Variants in LPP observed in about 807,000 individuals in gnomAD.
LPP encodes lipoma-preferred partner.
In LPP, 38 loss-of-function variants were observed where a neutral mutation model predicts 60.4. That is an observed-to-expected ratio of 0.63 (90% CI 0.49 to 0.83). The LOEUF is 0.83. LPP is among the 40% of genes least tolerant of loss of function. The pLI, the probability that LPP is intolerant of heterozygous loss-of-function variation, is 0.00. For synonymous variants in LPP, 328 were observed against 290.8 expected, an observed-to-expected ratio of 1.13 and a Z score of -1.30; for missense variants, 902 against 783.6, an observed-to-expected ratio of 1.15 and a Z score of -1.80.
At chr3:188,689,421 T>G (rs1006562388) in intron 7 of LPP, among the ~76,000 whole-genome samples, 1 of 152,228 alleles carries the variant, frequency 6.6e-6, no homozygotes, top group Non-Finnish European at 1.5e-5. Flanking sequence ...GACTTGCTTG[T>G]GCTTTGTGTA....
At chr3:188,704,836 C>G (rs1458805108) in intron 7 of LPP, among the ~76,000 whole-genome samples, 3 of 151,982 alleles carry the variant, frequency 2.0e-5, no homozygotes, top group Non-Finnish European at 4.4e-5. Context: ...CACGTTCTTA[C>G]CCAAGGCCTG....
At position 188,510,828 on chromosome 3, in the gene LPP, C is replaced by T. The variant is rs1174441625; in HGVS notation, c.307-13837C>T. On this transcript the variant is annotated intron_variant, in intron 5 of 11. Coordinates refer to ENST00000617246, the MANE Select transcript of LPP (RefSeq NM_001375462.1). ...ACTTGTTCTCCATTTAAGGCCTTCT[C>T]AATTCTGTCGCCATATAGCTCTCTC... Among the ~76,000 whole-genome samples the T allele has an allele frequency of 2.6e-5, 4 of 152,222 alleles. No homozygotes were observed. In the East Asian group the frequency reaches 7.7e-4, roughly 29 times the overall value.
Position 188,443,866 on chromosome 3 carries a change from T to C in LPP, c.193+37553T>C, listed in dbSNP as rs146308457. Among the ~76,000 whole-genome samples the C allele has an allele frequency of 8.3e-3, 1,258 of 152,338 alleles. 14 individuals carry two copies. The highest frequency in any genetic ancestry group is 0.012 in the Non-Finnish European group (827 of 68,032). On this transcript the variant is annotated intron_variant, in intron 4 of 11. Transcript: ENST00000617246. ...CATTAACAAAGTATTTTTCATCCCT[T>C]AGCTTTCCTCCAGGGAACAAAAGGA... is the stretch of plus-strand genomic sequence containing the variant.
intron 4 of LPP, among the ~76,000 whole-genome samples, chr3:188,411,868 A>AT (rs1784962930): frequency 6.6e-6 from 1 of 152,138 alleles, no homozygotes; most frequent in African/African-American, 2.4e-5. Context: ...GGTTTTTGAA[A>AT]TTATCTTACT....
At chr3:188,663,320 A>AT (rs1855021923) in intron 7 of LPP, among the ~76,000 whole-genome samples, 1 of 152,168 alleles carries the variant, frequency 6.6e-6, no homozygotes, top group Non-Finnish European at 1.5e-5. Flanking sequence ...CAAGAAAGGG[A>AT]TGGGGGAGTG....
chr3:188,420,231 C>T (rs1422640595), intron 4 of LPP, among the ~76,000 whole-genome samples: 1 of 151,996 alleles, frequency 6.6e-6, no homozygotes, highest in African/African-American at 2.4e-5. Flanking sequence ...TTTGTCCTTG[C>T]TAGAATTATG....
At chr3:188,292,893 G>C (rs1273385938) in intron 2 of LPP, among the ~76,000 whole-genome samples, 2 of 151,996 alleles carry the variant, frequency 1.3e-5, no homozygotes, top group Non-Finnish European at 2.9e-5. Flanking sequence ...TAATTTTATT[G>C]GTGTGATTTA....
chr3:188,751,775 G>C (rs967898063), intron 8 of LPP, among the ~76,000 whole-genome samples: 1 of 152,022 alleles, frequency 6.6e-6, no homozygotes, highest in African/African-American at 2.4e-5. Flanking sequence ...AGAGTTGTTG[G>C]GGTGACTACA....
At chr3:188,329,872 A>T (rs1455201306) in intron 2 of LPP, among the ~76,000 whole-genome samples, 2 of 152,188 alleles carry the variant, frequency 1.3e-5, no homozygotes, top group East Asian at 3.9e-4. Flanking sequence ...TGAAGGACCC[A>T]TGCCATTCTT....
chr3:188,307,918 A>G (rs1251981484), intron 2 of LPP, among the ~76,000 whole-genome samples: 1 of 152,152 alleles, frequency 6.6e-6, no homozygotes, highest in Non-Finnish European at 1.5e-5. Context: ...CACTGGATCC[A>G]TTCTGTGCTC....
intron 2 of LPP, among the ~76,000 whole-genome samples, chr3:188,326,018 C>T (rs1257243640): frequency 6.6e-6 from 1 of 152,024 alleles, no homozygotes; most frequent in African/African-American, 2.4e-5. Flanking sequence ...TATCTTTAAT[C>T]TGAGAAGGAA....
At chr3:188,509,873 G>GTTTTTTTTTTT (rs35389820) in intron 5 of LPP, among the ~76,000 whole-genome samples, 7 of 111,036 alleles carry the variant, frequency 6.3e-5, no homozygotes, top group Non-Finnish European at 1.2e-4. Context: ...TTTTTTTGTT[G>GTTTTTTTTTTT]TTTTTTTTTT....
intron 2 of LPP, among the ~76,000 whole-genome samples, chr3:188,234,504 T>A (rs2149389964): frequency 6.6e-6 from 1 of 152,300 alleles, no homozygotes; most frequent in South Asian, 2.1e-4. Context: ...GATTTAAATG[T>A]CTCTTTTTGT....
chr3:188,712,772 A>C (rs1712105187), intron 8 of LPP: 1 of 152,118 alleles, frequency 6.6e-6, no homozygotes, highest in African/African-American at 2.4e-5. Flanking sequence ...CATGCTGTAG[A>C]TCTCCTGCTA....
intron 2 of LPP, among the ~76,000 whole-genome samples, chr3:188,270,790 T>C (rs901136883): frequency 1.3e-5 from 2 of 152,342 alleles, no homozygotes; most frequent in East Asian, 3.9e-4. Flanking sequence ...TTTTCCCTTT[T>C]CTTTTTGGTC....
At chr3:188,514,642 A>G (rs1443811601) in intron 5 of LPP, among the ~76,000 whole-genome samples, 1 of 152,026 alleles carries the variant, frequency 6.6e-6, no homozygotes, top group Non-Finnish European at 1.5e-5. Flanking sequence ...GCGTTTCGCC[A>G]TGTTGGCCAG....
chr3:188,222,835 T>C (rs1716303035), intron 1 of LPP, among the ~76,000 whole-genome samples: 1 of 152,192 alleles, frequency 6.6e-6, no homozygotes, highest in East Asian at 1.9e-4. Context: ...CTTTACTTAT[T>C]TTCTTCTCTT....
chr3:188,702,148 G>T (rs928422357), intron 7 of LPP, among the ~76,000 whole-genome samples: 6 of 151,330 alleles, frequency 4.0e-5, no homozygotes, highest in African/African-American at 1.5e-4. Flanking sequence ...AGTAGAGGTG[G>T]GATTTCACCA....
At chr3:188,210,394 C>T (rs1049821134) in intron 1 of LPP, among the ~76,000 whole-genome samples, 4 of 152,022 alleles carry the variant, frequency 2.6e-5, no homozygotes, top group Admixed American at 6.6e-5. Context: ...GATGGAAGGC[C>T]GGGGAGGAAC....
Sources: allele counts gnomAD v4.1 joint callset (sites outside exome capture counted in the v4.1 genomes callset), GRCh38; gene constraint gnomAD v4.1.1; transcripts MANE v1.5; gene names NCBI Gene and HGNC (gene_info 2026-07-23, HGNC 2026-07-21).